The following DPPA4 variants were observed in gnomAD, a reference collection of about 807,000 sequenced individuals.
DPPA4 encodes the protein developmental pluripotency-associated protein 4.
In DPPA4, 22 loss-of-function variants were observed where a neutral mutation model predicts 33.7. The observed-to-expected ratio is 0.65, with a 90% confidence interval of 0.47 to 0.93. DPPA4 has a LOEUF of 0.93. Among genes scored for constraint, DPPA4 ranks in the 40% least tolerant of loss-of-function variants. DPPA4 has a pLI of 0.00. For synonymous variants in DPPA4, 156 were observed against 132.3 expected, an observed-to-expected ratio of 1.18 and a Z score of -1.23; for missense variants, 340 against 358.6, an observed-to-expected ratio of 0.95 and a Z score of 0.42.
Position 109,337,511 on chromosome 3 carries a change from G to T in DPPA4, c.7C>A (p.Arg3=), listed in dbSNP as rs779870487. The T allele has an allele frequency of 1.9e-6, 3 of 1,613,996 alleles. No homozygotes were observed. Among genetic ancestry groups the T allele is most frequent in the South Asian group, 2.2e-5 (2 of 91,068 alleles). Residue 3 remains arginine (R), a synonymous_variant, in exon 1 of 7, where the codon CGA becomes AGA. Coordinates refer to ENST00000335658, the MANE Select transcript of DPPA4 (RefSeq NM_018189.4). ...ATACTTGTAGAAGAAGCGGAGCCTCGCAACATGCTTCCAAAATGGCCCCTG... is the reference window on the plus strand; with the variant it reads ...ATACTTGTAGAAGAAGCGGAGCCTCTCAACATGCTTCCAAAATGGCCCCTG... ML[R]GSASSTSMEK...
chr3:109,333,012 G>A (rs1338391061), intron 2 of DPPA4, among the ~76,000 whole-genome samples: 1 of 151,996 alleles, frequency 6.6e-6, no homozygotes, highest in East Asian at 1.9e-4. Flanking sequence ...TTTGAACCCG[G>A]GAGGCAGAGG....
At chr3:109,330,396 T>C in intron 5 of DPPA4, 128 bp downstream of exon 5, 1 of 1,011,732 alleles carries the variant, frequency 9.9e-7, no homozygotes, top group Non-Finnish European at 1.5e-6. Context: ...CCAGAAACTC[T>C]GTGGGCAGGG....
In DPPA4 at chr3:109,337,454, C is replaced by T. The variant is rs146126088; in HGVS notation, c.54+10G>A. 1 of 1,613,278 alleles carries T rather than the reference C, an allele frequency of 6.2e-7. No individual in the cohort carries two copies. The highest frequency in any genetic ancestry group is 2.2e-5 in the East Asian group (1 of 44,858). Reference sequence around the variant, plus strand: ...CAGACAGAAAACAAATCCACTAAAACTGTACTGACCTCCTTGCCTTTTGCC... The same window carrying T: ...CAGACAGAAAACAAATCCACTAAAATTGTACTGACCTCCTTGCCTTTTGCC... On this transcript the variant is annotated intron_variant, in intron 1 of 6. Coordinates refer to ENST00000335658, the MANE Select transcript of DPPA4 (RefSeq NM_018189.4).
At chr3:109,334,628 C>G (rs1231262650) in intron 1 of DPPA4, among the ~76,000 whole-genome samples, 2 of 151,984 alleles carry the variant, frequency 1.3e-5, no homozygotes, top group Non-Finnish European at 2.9e-5. Flanking sequence ...TGACGCCTTC[C>G]AAATAATTTT....
intron 2 of DPPA4, 156 bp from the exon 3 acceptor site, chr3:109,332,187 C>CTT: frequency 1.8e-6 from 1 of 548,390 alleles, no homozygotes; most frequent in Non-Finnish European, 3.1e-6. Flanking sequence ...CTGCAACCTC[C>CTT]GCCTCGTGGG....
rs1708151046 is a variant in DPPA4, at chr3:109,334,480, G to C, written c.55-487C>G. Among the ~76,000 whole-genome samples the C allele has an allele frequency of 2.6e-5, 4 of 151,934 alleles. No individual in the cohort carries two copies. The South Asian group carries it at 8.3e-4, about 32-fold the overall frequency. On this transcript the variant is annotated intron_variant, in intron 1 of 6. Coordinates refer to ENST00000335658, the MANE Select transcript of DPPA4 (RefSeq NM_018189.4). ...GAGGATTGCTTGAGCCAGGGAGGTAGGTAGAGGCTGCACCACTGCACTCCA... is the reference window on the plus strand; with the variant it reads ...GAGGATTGCTTGAGCCAGGGAGGTACGTAGAGGCTGCACCACTGCACTCCA...
upstream of DPPA4, among the ~76,000 whole-genome samples, chr3:109,338,373 A>G (rs949796034): frequency 1.3e-5 from 2 of 152,182 alleles, no homozygotes; most frequent in South Asian, 2.1e-4. Flanking sequence ...ACTGACTCCC[A>G]AAGAAGTTCA....
chr3:109,336,523 G>A (rs1708216689), intron 1 of DPPA4: 1 of 152,174 alleles, frequency 6.6e-6, no homozygotes, highest in Admixed American at 6.5e-5. Flanking sequence ...AAAAGGGGAC[G>A]AATTCATTCT....
chr3:109,338,870 A>G (rs1708260238), upstream of DPPA4, among the ~76,000 whole-genome samples: 1 of 151,236 alleles, frequency 6.6e-6, no homozygotes. Flanking sequence ...TTCTTTTGTC[A>G]GTGTAATTGA....
chr3:109,337,593 T>C, upstream of DPPA4: 2 of 1,315,274 alleles, frequency 1.5e-6, no homozygotes, highest in Non-Finnish European at 1.1e-6. Context: ...GAAGACCCTT[T>C]TTCTCTCCAC....
Position 109,334,169 on chromosome 3 carries a change from CAAT to C in DPPA4, c.55-179_55-177del, listed in dbSNP as rs566817963. 7.9e-5 allele frequency among the ~76,000 whole-genome samples: 12 copies of C among 152,162 alleles called. No individual in the cohort carries two copies. In the South Asian group the frequency reaches 2.1e-3, roughly 26 times the overall value. On this transcript the variant is annotated intron_variant, in intron 1 of 6. Coordinates refer to ENST00000335658, the MANE Select transcript of DPPA4 (RefSeq NM_018189.4). The stretch of plus-strand genomic sequence containing the variant: ...CAGTTTCATTTACAAGACTGGGAAA[CAAT>C]GATGGAAAAAAAGGGAGGAAGCCAG...
At chr3:109,331,543 CAAAAAAAAAAAAA>C (rs62827961) in intron 4 of DPPA4, among the ~76,000 whole-genome samples, 178 bp downstream of exon 4, 9 of 71,470 alleles carry the variant, frequency 1.3e-4, no homozygotes, top group Admixed American at 2.1e-4. Flanking sequence ...GACTCTGTCT[CAAAAAAAAAAAAA>C]AAAAAAAAAA....
At chr3:109,333,425 A>G (rs7617466) in intron 2 of DPPA4, 7,620 of 163,604 alleles carry the variant, frequency 0.047, 429 homozygotes, top group African/African-American at 0.14. Flanking sequence ...TGTACATATT[A>G]CTTCTCAGGC....
At position 109,326,230 on chromosome 3, in the gene DPPA4, GA is replaced by G. The variant is rs1207467808; in HGVS notation, c.*1757del. 1 of 151,934 alleles carries G rather than the reference GA, an allele frequency of 6.6e-6. No individual in the cohort carries two copies. Among genetic ancestry groups the G allele is most frequent in the African/African-American group, 2.4e-5 (1 of 41,284 alleles). The allele number at this position is 151,934 out of a possible 1,614,324, so 9.4% of individuals were successfully genotyped here. On this transcript the variant is annotated 3_prime_UTR_variant, in exon 7 of 7. Coordinates refer to ENST00000335658, the MANE Select transcript of DPPA4 (RefSeq NM_018189.4). ...GAAGCAGGGGAAGTATCTACAAGCA[GA>G]ATCGTAAAGCCAAGGACATTTCCAA...
In DPPA4 at chr3:109,333,788, C is replaced by T. The variant is rs560440717; in HGVS notation, c.178+82G>A. ...GCACAATACATGATGGAAATTTCTT[C>T]CCTGGTTTTTCTTCTTCAGAAAAAT... On this transcript the variant is annotated intron_variant, in intron 2 of 6. Coordinates refer to ENST00000335658, the MANE Select transcript of DPPA4 (RefSeq NM_018189.4). The T allele has an allele frequency of 2.9e-3, 4,418 of 1,517,668 alleles. 14 individuals carry two copies. The highest frequency in any genetic ancestry group is 3.6e-3 in the Non-Finnish European group (3,991 of 1,111,814). 94.0% of individuals were successfully genotyped at this position (1,517,668 alleles called of 1,614,324 possible).
In DPPA4 at chr3:109,327,564, G is replaced by A. The variant is rs3792321; in HGVS notation, c.*424C>T. 60,713 of 155,840 alleles carry A rather than the reference G, an allele frequency of 0.39. 14,292 individuals carry two copies. The highest frequency in any genetic ancestry group is 0.72 in the East Asian group (3,778 of 5,244). 9.7% of individuals were successfully genotyped at this position (155,840 alleles called of 1,614,324 possible). A position where few individuals can be genotyped will look rare whatever the true frequency, so the allele number is the denominator to read the frequency against. ...GCAGGTGCCTGTACCTAGCTACTCAGGAGGCTGAGGCAGGAGAATCATTTG... is the reference window on the plus strand; with the variant it reads ...GCAGGTGCCTGTACCTAGCTACTCAAGAGGCTGAGGCAGGAGAATCATTTG... On this transcript the variant is annotated 3_prime_UTR_variant, in exon 7 of 7. Transcript: ENST00000335658.
chr3:109,337,559 G>C (rs753530108), upstream of DPPA4: 63 of 1,598,104 alleles, frequency 3.9e-5, no homozygotes, highest in Admixed American at 2.5e-4. Context: ...TATTTGCAAA[G>C]TCTCCTCCCA....
chr3:109,334,988 G>C (rs1708160896), intron 1 of DPPA4, among the ~76,000 whole-genome samples: 3 of 152,208 alleles, frequency 2.0e-5, no homozygotes, highest in South Asian at 2.1e-4. Flanking sequence ...TGGTTTGTGT[G>C]ATTTCTTTTT....
At chr3:109,329,362 C>A (rs1024566105) in intron 5 of DPPA4, 4 of 294,370 alleles carry the variant, frequency 1.4e-5, no homozygotes, top group Admixed American at 9.5e-5. Context: ...AGTGAAACCC[C>A]GTTTCTACTA....
Sources: gnomAD v4.1 joint callset for allele counts (sites outside exome capture counted in the v4.1 genomes callset) on GRCh38, gnomAD v4.1.1 for gene constraint, MANE v1.5 for transcripts, NCBI Gene and HGNC (gene_info 2026-07-23, HGNC 2026-07-21) for gene names.